The following MYOZ2 variants were observed in gnomAD, a reference collection of about 807,000 sequenced individuals.
The protein encoded by MYOZ2 is myozenin-2.
In MYOZ2, 19 loss-of-function variants were observed where a neutral mutation model predicts 25.4. That is an observed-to-expected ratio of 0.75 (90% CI 0.52 to 1.10). The LOEUF (loss-of-function observed/expected upper bound fraction) is 1.10. Ranked by LOEUF, MYOZ2 falls within the 50% of genes least tolerant of loss-of-function variation. MYOZ2 has a pLI of 0.00. For synonymous variants in MYOZ2, 92 were observed against 106.9 expected (o/e 0.86, Z 0.86); for missense variants, 270 against 317.9 (o/e 0.85, Z 1.15).
intron 2 of MYOZ2, among the ~76,000 whole-genome samples, chr4:119,137,758 G>A (rs1741064724): frequency 6.6e-6 from 1 of 152,108 alleles, no homozygotes; most frequent in Admixed American, 6.5e-5. Flanking sequence ...TCAGATACCA[G>A]AACTGAATTC....
intron 5 of MYOZ2, among the ~76,000 whole-genome samples, chr4:119,183,386 G>C (rs10461202): frequency 1.3e-5 from 2 of 151,760 alleles, no homozygotes; most frequent in African/African-American, 2.4e-5. Flanking sequence ...ATTTAGAAAC[G>C]CAGTTGTAAA....
intron 5 of MYOZ2, among the ~76,000 whole-genome samples, chr4:119,175,459 T>C (rs1742048296): frequency 6.6e-6 from 1 of 152,188 alleles, no homozygotes; most frequent in Admixed American, 6.5e-5. Context: ...TGGATAACTA[T>C]TCATTCTTAA....
intron 5 of MYOZ2, among the ~76,000 whole-genome samples, chr4:119,182,471 G>A (rs1378769651): frequency 6.6e-6 from 1 of 152,006 alleles, no homozygotes; most frequent in African/African-American, 2.4e-5. Flanking sequence ...GTAATACAAT[G>A]GTCCCCAACC....
At chr4:119,151,106 A>C in intron 3 of MYOZ2, 65 bp downstream of exon 3, 4 of 1,483,046 alleles carry the variant, frequency 2.7e-6, no homozygotes, top group Non-Finnish European at 3.7e-6. Context: ...TGTATTTATG[A>C]CTAGTTTCTG....
Position 119,164,331 on chromosome 4 carries a change from T to C in MYOZ2, c.497T>C (p.Leu166Ser), listed in dbSNP as rs1227160156. 10 of 1,613,992 alleles carry C rather than the reference T, an allele frequency of 6.2e-6. No individual in the cohort carries two copies. Among genetic ancestry groups the C allele is most frequent in the South Asian group, 2.2e-5 (2 of 91,082 alleles). Reference protein sequence around the residue: ...ISNDPELLEALYPKLFKPEGK... With the variant: ...ISNDPELLEASYPKLFKPEGK... The stretch of plus-strand genomic sequence containing the variant: ...AATGATCCGGAGCTTTTAGAGGCTT[T>C]ATATCCTAAACTTTTCAAGCCTGAA... The change falls in exon 5 of 6, where the codon TTA becomes TCA. Residue 166 changes from leucine (L) to serine (S), a missense_variant. Physicochemically the swap from Leu to Ser is moderately radical, Grantham distance 145 (BLOSUM62 -2). Coordinates refer to ENST00000307128, the MANE Select transcript of MYOZ2 (RefSeq NM_016599.5).
At chr4:119,154,903 A>T in intron 3 of MYOZ2, among the ~76,000 whole-genome samples, 1 of 139,874 alleles carries the variant, frequency 7.1e-6, no homozygotes, top group Non-Finnish European at 1.6e-5. Flanking sequence ...TGCCTTTCTT[A>T]GTCCATCCAT....
At chr4:119,152,351 T>C (rs926698936) in intron 3 of MYOZ2, among the ~76,000 whole-genome samples, 1 of 152,058 alleles carries the variant, frequency 6.6e-6, no homozygotes, top group African/African-American at 2.4e-5. Context: ...ATAATGACAA[T>C]AGAGAAGGCT....
At chr4:119,140,430 T>C (rs535267480) in intron 2 of MYOZ2, among the ~76,000 whole-genome samples, 3 of 152,320 alleles carry the variant, frequency 2.0e-5, no homozygotes, top group Admixed American at 1.3e-4. Flanking sequence ...GTGTACAAGT[T>C]TGGTAATTTT....
intron 5 of MYOZ2, among the ~76,000 whole-genome samples, chr4:119,183,814 C>CTTT (rs34741874): frequency 1.4e-5 from 2 of 138,704 alleles, no homozygotes; most frequent in Non-Finnish European, 3.1e-5. Context: ...CCACTGTTGT[C>CTTT]TTTTTTTTTT....
chr4:119,172,722 G>C (rs1012347959), intron 5 of MYOZ2, among the ~76,000 whole-genome samples: 1 of 152,178 alleles, frequency 6.6e-6, no homozygotes, highest in African/African-American at 2.4e-5. Flanking sequence ...AGGCAGGAAG[G>C]GGATTTGTTT....
intron 5 of MYOZ2, among the ~76,000 whole-genome samples, chr4:119,181,896 G>T (rs941357582): frequency 4.6e-5 from 7 of 152,032 alleles, no homozygotes; most frequent in African/African-American, 1.7e-4. Flanking sequence ...TGTAAATATT[G>T]CAGAGTTCAA....
chr4:119,164,414 T>C lies in MYOZ2; in HGVS notation c.560+20T>C, dbSNP rs1471470933. The C allele has an allele frequency of 6.2e-7, 1 of 1,613,580 alleles. No homozygotes were observed. Among genetic ancestry groups the C allele is most frequent in the Non-Finnish European group, 8.5e-7 (1 of 1,179,618 alleles). ...TAACAGGTAATTCAATGGTCCTGGGTGACACTGTTGGCATGCAATACCAAA... is the reference window on the plus strand; with the variant it reads ...TAACAGGTAATTCAATGGTCCTGGGCGACACTGTTGGCATGCAATACCAAA... On this transcript the variant is annotated intron_variant, in intron 5 of 5. Coordinates refer to ENST00000307128, the MANE Select transcript of MYOZ2 (RefSeq NM_016599.5).
In MYOZ2 at chr4:119,186,416, A is replaced by G; in HGVS notation, c.*216A>G. On this transcript the variant is annotated 3_prime_UTR_variant, in exon 6 of 6. Coordinates refer to ENST00000307128, the MANE Select transcript of MYOZ2 (RefSeq NM_016599.5). ...ACTTATAACTCACTTGTCTTCATTC[A>G]TAATTTTGTTTTCACCTGGTTTAAA... 1 of 534,666 alleles carries G rather than the reference A, an allele frequency of 1.9e-6. No homozygotes were observed. Among genetic ancestry groups the G allele is most frequent in the Non-Finnish European group, 3.3e-6 (1 of 304,952 alleles). The allele number at this position is 534,666 out of a possible 1,614,324, so 33.1% of individuals were successfully genotyped here.
intron 4 of MYOZ2, among the ~76,000 whole-genome samples, chr4:119,163,527 T>C (rs1412679229): frequency 6.6e-6 from 1 of 152,176 alleles, no homozygotes; most frequent in Non-Finnish European, 1.5e-5. Context: ...AAACAGTATT[T>C]ACAGAAAATT....
rs1742336084 is a variant in MYOZ2 at position 119,187,657 on chromosome 4, TAA to T, written c.*1458_*1459del. The T allele has an allele frequency of 6.6e-6, 1 of 152,146 alleles. No individual in the cohort carries two copies. The highest frequency in any genetic ancestry group is 1.5e-5 in the Non-Finnish European group (1 of 68,014). The allele number at this position is 152,146 out of a possible 1,614,324, so 9.4% of individuals were successfully genotyped here. On this transcript the variant is annotated 3_prime_UTR_variant, in exon 6 of 6. Transcript: ENST00000307128. ...TCTTAAGATATCTTAATTTTATTTA[TAA>T]GTTTTGGTGTTTACCTGTTTTAAAA...
chr4:119,175,332 GT>G (rs1742044755), intron 5 of MYOZ2, among the ~76,000 whole-genome samples: 1 of 152,182 alleles, frequency 6.6e-6, no homozygotes, highest in Non-Finnish European at 1.5e-5. Context: ...CTTCTTTGAT[GT>G]AATTCAGAAA....
chr4:119,164,448 A>G, intron 5 of MYOZ2, 54 bp downstream of exon 5: 7 of 1,574,176 alleles, frequency 4.4e-6, no homozygotes, highest in Non-Finnish European at 6.1e-6. Context: ...AAATTTTTTC[A>G]TCATGGTACA....
rs372006344 is a variant in MYOZ2 at position 119,136,611 on chromosome 4, A to G, written c.76+10A>G. 371 of 1,610,538 alleles carry G rather than the reference A, an allele frequency of 2.3e-4. No individual in the cohort carries two copies. Among genetic ancestry groups the G allele is most frequent in the Non-Finnish European group, 3.0e-4 (357 of 1,177,202 alleles). ...GAAGTCCATGGAAATGGTATCAATA[A>G]AAATCCTTCGTAGCATTAATATAGC... On this transcript the variant is annotated intron_variant, in intron 2 of 5. Coordinates refer to ENST00000307128, the MANE Select transcript of MYOZ2 (RefSeq NM_016599.5).
chr4:119,144,006 A>G (rs1279586439), intron 2 of MYOZ2, among the ~76,000 whole-genome samples: 1 of 152,206 alleles, frequency 6.6e-6, no homozygotes, highest in Non-Finnish European at 1.5e-5. Flanking sequence ...GCAAAACTAT[A>G]GTACAATATC....
Sources: gnomAD v4.1 joint callset for allele counts (sites outside exome capture counted in the v4.1 genomes callset) on GRCh38, gnomAD v4.1.1 for gene constraint, MANE v1.5 for transcripts, NCBI Gene and HGNC (gene_info 2026-07-23, HGNC 2026-07-21) for gene names.